The following ABCC8 variants were observed in gnomAD, a reference collection of about 807,000 sequenced individuals.
ABCC8 encodes the protein ATP binding cassette subfamily C member 8.
In ABCC8, 137 loss-of-function variants were observed where a neutral mutation model predicts 188.0. That is an observed-to-expected ratio of 0.73 (90% CI 0.63 to 0.84). The LOEUF (loss-of-function observed/expected upper bound fraction) is 0.84. ABCC8 is among the 40% of genes least tolerant of loss of function. The pLI, the probability that ABCC8 is intolerant of heterozygous loss-of-function variation, is 0.00. For missense variants in ABCC8, 1,750 were observed against 2,072.7 expected (o/e 0.84, Z 3.02); for synonymous variants, 797 against 846.5 (o/e 0.94, Z 1.01).
At chr11:17,439,834 G>C (rs2133584424) in intron 10 of ABCC8, among the ~76,000 whole-genome samples, 1 of 152,150 alleles carries the variant, frequency 6.6e-6, no homozygotes, top group East Asian at 1.9e-4. Context: ...CTTTTTTCCA[G>C]AGTCTTCTCA....
At chr11:17,443,384 C>T (rs977976137) in intron 8 of ABCC8, 72 bp from the exon 9 acceptor site, 5 of 1,610,378 alleles carry the variant, frequency 3.1e-6, no homozygotes, top group Non-Finnish European at 4.2e-6. Context: ...GGCAAAATCC[C>T]TGTTTCCCCA....
At chr11:17,458,138 G>A (rs1957062366) in intron 6 of ABCC8, among the ~76,000 whole-genome samples, 1 of 152,128 alleles carries the variant, frequency 6.6e-6, no homozygotes, top group African/African-American at 2.4e-5. Context: ...TGCGGACACT[G>A]GAGACTATAT....
intron 17 of ABCC8, among the ~76,000 whole-genome samples, chr11:17,415,978 G>C (rs1955054494): frequency 6.6e-6 from 1 of 152,202 alleles, no homozygotes; most frequent in African/African-American, 2.4e-5. Context: ...CTGCCACTCT[G>C]TTCTCATCCA....
At chr11:17,443,442 T>C (rs1956404719) in intron 8 of ABCC8, 130 bp from the exon 9 acceptor site, 7 of 1,510,852 alleles carry the variant, frequency 4.6e-6, no homozygotes, top group East Asian at 2.3e-5. Flanking sequence ...CCAAATTATC[T>C]TGGGGAGTGG....
chr11:17,395,040 G>A (rs1953836135), intron 36 of ABCC8, 132 bp downstream of exon 36: 1 of 1,183,450 alleles, frequency 8.4e-7, no homozygotes, highest in East Asian at 2.6e-5. Flanking sequence ...ATAGTGAGAA[G>A]TAGGACTAAA....
intron 8 of ABCC8, among the ~76,000 whole-genome samples, chr11:17,445,460 T>C (rs888925667): frequency 5.3e-5 from 8 of 152,102 alleles, no homozygotes; most frequent in African/African-American, 1.9e-4. Context: ...TTTAAATGAG[T>C]GGGTTATATC....
chr11:17,405,418 A>T, intron 27 of ABCC8, 76 bp downstream of exon 27: 1 of 1,602,772 alleles, frequency 6.2e-7, no homozygotes, highest in East Asian at 2.2e-5. Context: ...TGGGGAACCC[A>T]GCCTCAGACA....
At chr11:17,458,947 C>G (rs1488550113) in intron 6 of ABCC8, among the ~76,000 whole-genome samples, 1 of 152,194 alleles carries the variant, frequency 6.6e-6, no homozygotes, top group Non-Finnish European at 1.5e-5. Flanking sequence ...TTTGATTTCT[C>G]TCCTCACTGT....
chr11:17,450,456 G>A (rs1399437937), intron 7 of ABCC8, among the ~76,000 whole-genome samples: 1 of 133,720 alleles, frequency 7.5e-6, no homozygotes, highest in East Asian at 2.2e-4. Flanking sequence ...GTGCGGTGGT[G>A]CCATCTCGGC....
intron 16 of ABCC8, among the ~76,000 whole-genome samples, chr11:17,421,741 A>T (rs769831325): frequency 1.3e-4 from 20 of 152,326 alleles, no homozygotes; most frequent in Non-Finnish European, 2.2e-4. Flanking sequence ...AAGCACAGAG[A>T]CCAAATGTGA....
intron 7 of ABCC8, among the ~76,000 whole-genome samples, chr11:17,450,171 A>G (rs1029698947): frequency 1.3e-5 from 2 of 152,180 alleles, no homozygotes; most frequent in African/African-American, 4.8e-5. Flanking sequence ...TCTCATCCGT[A>G]AGGGTACATT....
intron 6 of ABCC8, among the ~76,000 whole-genome samples, chr11:17,456,877 A>T (rs1438450004): frequency 6.6e-6 from 1 of 152,186 alleles, no homozygotes; most frequent in Non-Finnish European, 1.5e-5. Flanking sequence ...TCTTTGCAGA[A>T]CCATTTCCCG....
At chr11:17,474,668 G>A (rs559896439) in intron 2 of ABCC8, among the ~76,000 whole-genome samples, 35 of 152,188 alleles carry the variant, frequency 2.3e-4, no homozygotes, top group East Asian at 1.5e-3. Flanking sequence ...ATGCAGGTCC[G>A]TGTTCCCTCT....
intron 33 of ABCC8, chr11:17,396,571 A>G (rs1329797336): frequency 1.4e-5 from 5 of 355,280 alleles, no homozygotes; most frequent in South Asian, 2.8e-5. Context: ...GTCTGCCCCC[A>G]GGTCCCTGCC....
chr11:17,394,119 C>T lies in ABCC8; in HGVS notation c.4545+147G>A, dbSNP rs180817459. ...CCCTAAGACTAGACAGAGTCAGGGT[C>T]CCCCCAGCTCTTTTCATTTTCTGCA... On this transcript the variant is annotated intron_variant, in intron 37 of 38. Transcript: ENST00000389817. The T allele has an allele frequency of 4.7e-5, 51 of 1,082,102 alleles. No homozygotes were observed. The Admixed American group carries it at 7.4e-4, about 16-fold the overall frequency. The allele number at this position is 1,082,102 out of a possible 1,614,324, so 67.0% of individuals were successfully genotyped here. A position where few individuals can be genotyped will look rare whatever the true frequency, so the allele number is the denominator to read the frequency against.
intron 32 of ABCC8, 40 bp from the exon 33 acceptor site, chr11:17,397,086 C>T (rs199772442): frequency 3.8e-5 from 61 of 1,613,950 alleles, no homozygotes; most frequent in Admixed American, 3.3e-4. Context: ...GCATGGGCCA[C>T]AGCTAGTATC....
chr11:17,476,843 T>C lies in ABCC8; in HGVS notation c.-67A>G, dbSNP rs1420146575. On this transcript the variant is annotated 5_prime_UTR_variant, in exon 1 of 39. Coordinates refer to ENST00000389817, the MANE Select transcript of ABCC8 (RefSeq NM_000352.6). ...GCTGGCTCCGCGCGCCTGCCGCGCCTCTGTCCCTTGCAGCTCCGCCGCCCG... is the reference window on the plus strand; with the variant it reads ...GCTGGCTCCGCGCGCCTGCCGCGCCCCTGTCCCTTGCAGCTCCGCCGCCCG... 4 of 1,355,412 alleles carry C rather than the reference T, an allele frequency of 3.0e-6. No individual in the cohort carries two copies. Among genetic ancestry groups the C allele is most frequent in the Admixed American group, 3.8e-5 (1 of 26,378 alleles). The allele number at this position is 1,355,412 out of a possible 1,614,324, so 84.0% of individuals were successfully genotyped here. A position where few individuals can be genotyped will look rare whatever the true frequency, so the allele number is the denominator to read the frequency against.
At chr11:17,450,243 TTTTTCTTTC>T (rs1351938307) in intron 7 of ABCC8, among the ~76,000 whole-genome samples, 3 of 50,700 alleles carry the variant, frequency 5.9e-5, no homozygotes, top group African/African-American at 2.8e-4. Context: ...CTTTCTTTTC[TTTTTCTTTC>T]TTTCTTTCTC....
At chr11:17,424,501 A>C (rs1315446330) in intron 16 of ABCC8, among the ~76,000 whole-genome samples, 1 of 152,166 alleles carries the variant, frequency 6.6e-6, no homozygotes, top group African/African-American at 2.4e-5. Flanking sequence ...GACCCCTGCC[A>C]ATCATGCCTG....
Sources: gnomAD v4.1 joint callset for allele counts (sites outside exome capture counted in the v4.1 genomes callset) on GRCh38, gnomAD v4.1.1 for gene constraint, MANE v1.5 for transcripts, NCBI Gene and HGNC (gene_info 2026-07-23, HGNC 2026-07-21) for gene names.